Variants in PRLR observed in about 807,000 individuals in gnomAD.
PRLR encodes prolactin receptor.
In PRLR, 13 loss-of-function variants were observed where a neutral mutation model predicts 40.2. The ratio of observed to expected loss-of-function variants is 0.32; its 90% CI spans 0.21 to 0.51. PRLR has a LOEUF of 0.51. Ranked by LOEUF, PRLR falls within the 20% of genes least tolerant of loss-of-function variation. PRLR has a pLI of 0.97. For synonymous variants in PRLR, 269 were observed against 278.7 expected (o/e 0.97, Z 0.35); for missense variants, 656 against 747.3 (o/e 0.88, Z 1.42).
At chr5:35,215,935 G>A (rs1267325648) in intron 1 of PRLR, among the ~76,000 whole-genome samples, 1 of 151,546 alleles carries the variant, frequency 6.6e-6, no homozygotes, top group Non-Finnish European at 1.5e-5. Flanking sequence ...CTACTCAGGA[G>A]GCTGAGGCAA....
chr5:35,074,781 G>A (rs1282937806), intron 5 of PRLR, among the ~76,000 whole-genome samples: 1 of 152,052 alleles, frequency 6.6e-6, no homozygotes, highest in East Asian at 1.9e-4. Context: ...AAATGAAGTG[G>A]CTTCCTGCTG....
In PRLR at chr5:35,105,474, C is replaced by T. The variant is rs974072822; in HGVS notation, c.-44+12587G>A. 5.9e-5 allele frequency among the ~76,000 whole-genome samples: 9 copies of T among 152,252 alleles called. 1 individual carries two copies. In the South Asian group the frequency reaches 1.9e-3, roughly 32 times the overall value. On this transcript the variant is annotated intron_variant, in intron 2 of 9. Transcript: ENST00000618457. ...AAACCCATCGCAAAGAAGCTAAAAA[C>T]CTTGAAAAAGATTAGATGAATGGCT...
intron 1 of PRLR, among the ~76,000 whole-genome samples, chr5:35,137,264 G>A (rs1208403386): frequency 6.6e-6 from 1 of 152,230 alleles, no homozygotes; most frequent in Non-Finnish European, 1.5e-5. Context: ...TGACTGGACT[G>A]TAGTTTGAAT....
chr5:35,151,752 A>G (rs1431883370), intron 1 of PRLR, among the ~76,000 whole-genome samples: 1 of 152,206 alleles, frequency 6.6e-6, no homozygotes, highest in Non-Finnish European at 1.5e-5. Context: ...CAGGCACCAA[A>G]CATATGAATA....
intron 1 of PRLR, among the ~76,000 whole-genome samples, chr5:35,145,363 C>T (rs776039116): frequency 2.8e-4 from 43 of 152,272 alleles, no homozygotes; most frequent in Non-Finnish European, 5.1e-4. Flanking sequence ...AAAAAGTGGA[C>T]GGCCCCTAAT....
At chr5:35,067,681 A>T (rs1429662022) in intron 9 of PRLR, among the ~76,000 whole-genome samples, 2 of 152,164 alleles carry the variant, frequency 1.3e-5, no homozygotes, top group Non-Finnish European at 2.9e-5. Context: ...CATTCAAAAC[A>T]CTCATTATTT....
Position 35,060,411 on chromosome 5 carries a change from A to G in PRLR, c.*4678T>C, listed in dbSNP as rs249521. Reference sequence around the variant, plus strand: ...TTTTTCTCTGAAGCGTTGTCACACAATCTCATGTGCTCACTGCTTCAGGCC... The same window carrying G: ...TTTTTCTCTGAAGCGTTGTCACACAGTCTCATGTGCTCACTGCTTCAGGCC... On this transcript the variant is annotated 3_prime_UTR_variant, in exon 10 of 10. Coordinates refer to ENST00000618457, the MANE Select transcript of PRLR (RefSeq NM_000949.7). 0.22 allele frequency: 33,507 copies of G among 152,116 alleles called. 5,437 individuals carry two copies. The highest frequency in any genetic ancestry group is 0.45 in the African/African-American group (18,839 of 41,480). The allele number at this position is 152,116 out of a possible 1,614,324, so 9.4% of individuals were successfully genotyped here.
intron 1 of PRLR, among the ~76,000 whole-genome samples, chr5:35,143,339 G>A (rs546253422): frequency 4.9e-4 from 75 of 152,150 alleles, no homozygotes; most frequent in Non-Finnish European, 1.0e-3. Context: ...ATAGACCACT[G>A]GCTGTATTTT....
intron 1 of PRLR, among the ~76,000 whole-genome samples, chr5:35,194,396 G>A (rs1775681904): frequency 6.6e-6 from 1 of 152,142 alleles, no homozygotes; most frequent in South Asian, 2.1e-4. Context: ...TTAGGCCTCT[G>A]TGCCTATCTC....
At chr5:35,227,723 A>T (rs1046431764) in intron 1 of PRLR, among the ~76,000 whole-genome samples, 1 of 152,190 alleles carries the variant, frequency 6.6e-6, no homozygotes, top group African/African-American at 2.4e-5. Flanking sequence ...CCATGGAGAG[A>T]GAGTACATGC....
chr5:35,113,245 C>T (rs1057195162), intron 2 of PRLR, among the ~76,000 whole-genome samples: 1 of 146,254 alleles, frequency 6.8e-6, no homozygotes, highest in Non-Finnish European at 1.5e-5. Context: ...CATCTATCAA[C>T]CACCCACCCA....
intron 2 of PRLR, among the ~76,000 whole-genome samples, chr5:35,105,654 T>C (rs1030460876): frequency 2.0e-5 from 3 of 151,626 alleles, no homozygotes; most frequent in Non-Finnish European, 4.4e-5. Context: ...ATGAATGAAA[T>C]GAAGTGAGAA....
chr5:35,222,305 G>GA (rs33922370), intron 1 of PRLR, among the ~76,000 whole-genome samples: 117 of 149,888 alleles, frequency 7.8e-4, no homozygotes, highest in African/African-American at 2.6e-3. Context: ...CCATCCAAAA[G>GA]AAAAAAAAAA....
At chr5:35,108,820 C>T (rs1243054121) in intron 2 of PRLR, among the ~76,000 whole-genome samples, 1 of 152,144 alleles carries the variant, frequency 6.6e-6, no homozygotes, top group African/African-American at 2.4e-5. Context: ...AATGCCATCC[C>T]CATCAAGCTA....
At chr5:35,103,860 A>C (rs1213493282) in intron 2 of PRLR, among the ~76,000 whole-genome samples, 1 of 152,212 alleles carries the variant, frequency 6.6e-6, no homozygotes, top group African/African-American at 2.4e-5. Context: ...GGATGCTTTC[A>C]TGGGTGTGCC....
Position 35,173,117 on chromosome 5 carries a change from TG to T in PRLR, c.-105-54996del, listed in dbSNP as rs151129066. 6.7e-3 allele frequency among the ~76,000 whole-genome samples: 1,015 copies of T among 152,318 alleles called. 11 individuals carry two copies. Among genetic ancestry groups the T allele is most frequent in the African/African-American group, 0.023 (973 of 41,568 alleles). ...TTGTTCCCACCCTTTGCCTCCACATTGTTCACTCGTTTTGTCCTGATTCAAA... is the reference window on the plus strand; with the variant it reads ...TTGTTCCCACCCTTTGCCTCCACATTTTCACTCGTTTTGTCCTGATTCAAA... On this transcript the variant is annotated intron_variant, in intron 1 of 9. Coordinates refer to ENST00000618457, the MANE Select transcript of PRLR (RefSeq NM_000949.7).
downstream of PRLR, among the ~76,000 whole-genome samples, chr5:35,050,923 G>A (rs1044819079): frequency 6.6e-6 from 1 of 152,210 alleles, no homozygotes; most frequent in South Asian, 2.1e-4. Flanking sequence ...TATGAAGAAT[G>A]CTGTGTGCAG....
At chr5:35,165,588 G>A (rs138731923) in intron 1 of PRLR, among the ~76,000 whole-genome samples, 136 of 152,164 alleles carry the variant, frequency 8.9e-4, no homozygotes, top group African/African-American at 3.3e-3. Flanking sequence ...ATTTTCTTAG[G>A]TCATAAACAA....
chr5:35,182,495 G>A (rs1156968440), intron 1 of PRLR, among the ~76,000 whole-genome samples: 1 of 152,168 alleles, frequency 6.6e-6, no homozygotes, highest in African/African-American at 2.4e-5. Flanking sequence ...AGTAGTCTAT[G>A]GTCTTGTATT....
Sources: allele counts gnomAD v4.1 joint callset (sites outside exome capture counted in the v4.1 genomes callset), GRCh38; gene constraint gnomAD v4.1.1; transcripts MANE v1.5; gene names NCBI Gene and HGNC (gene_info 2026-07-23, HGNC 2026-07-21).